The following TCF7L2 variants were observed in gnomAD, a reference collection of about 807,000 sequenced individuals.
The protein encoded by TCF7L2 is transcription factor 7-like 2.
A neutral mutation model predicts 77.9 loss-of-function variants in TCF7L2; 23 were observed. That is an observed-to-expected ratio of 0.30 (90% confidence interval 0.21 to 0.42). The LOEUF is 0.42. Among genes scored for constraint, TCF7L2 ranks in the 10% least tolerant of loss-of-function variants. The pLI is 1.00. For missense variants in TCF7L2, 654 were observed against 793.1 expected (o/e 0.82, Z 2.11); for synonymous variants, 413 against 340.2 (o/e 1.21, Z -2.36).
chr10:113,081,186 G>T (rs1270279991), intron 5 of TCF7L2, among the ~76,000 whole-genome samples: 1 of 152,172 alleles, frequency 6.6e-6, no homozygotes, highest in Non-Finnish European at 1.5e-5. Flanking sequence ...CTTTTTGTAA[G>T]AGATATGTTG....
chr10:113,155,980 C>T (rs1048819142), intron 11 of TCF7L2, among the ~76,000 whole-genome samples: 1 of 152,232 alleles, frequency 6.6e-6, no homozygotes, highest in African/African-American at 2.4e-5. Flanking sequence ...TTGCACAGGC[C>T]CCTTCCCCTC....
intron 5 of TCF7L2, among the ~76,000 whole-genome samples, chr10:113,095,259 T>G (rs1245452924): frequency 6.6e-6 from 1 of 152,212 alleles, no homozygotes; most frequent in African/African-American, 2.4e-5. Flanking sequence ...ATGTGACCCA[T>G]CATTGCTTCG....
chr10:113,077,555 A>T (rs2058826064), intron 5 of TCF7L2, among the ~76,000 whole-genome samples: 1 of 152,034 alleles, frequency 6.6e-6, no homozygotes, highest in Non-Finnish European at 1.5e-5. Context: ...GTTTCTATGG[A>T]TTTGCCTGTT....
intron 5 of TCF7L2, among the ~76,000 whole-genome samples, chr10:113,117,050 G>A (rs779580348): frequency 1.3e-5 from 2 of 152,080 alleles, no homozygotes; most frequent in Non-Finnish European, 2.9e-5. Context: ...CATTCCTGTC[G>A]GGGCATTATT....
intron 5 of TCF7L2, among the ~76,000 whole-genome samples, chr10:113,095,882 C>T (rs368244131): frequency 3.3e-5 from 5 of 152,208 alleles, no homozygotes; most frequent in South Asian, 2.1e-4. Context: ...TGTCTCTCCA[C>T]GTTAGTGGCT....
chr10:113,035,977 G>T (rs140312397), intron 4 of TCF7L2, among the ~76,000 whole-genome samples: 2 of 152,092 alleles, frequency 1.3e-5, no homozygotes, highest in African/African-American at 4.8e-5. Flanking sequence ...CAAATAAAGG[G>T]ACAAATTCCA....
intron 3 of TCF7L2, among the ~76,000 whole-genome samples, chr10:112,958,939 A>G (rs1247242161): frequency 6.6e-6 from 1 of 152,180 alleles, no homozygotes; most frequent in African/African-American, 2.4e-5. Context: ...TAGTGTAGCA[A>G]CTTTTAATGA....
At position 112,950,786 on chromosome 10, in the gene TCF7L2, T is replaced by C; in HGVS notation, c.30T>C (p.Asp10=). 1.3e-6 allele frequency: 2 copies of C among 1,582,788 alleles called. No homozygotes were observed. Among genetic ancestry groups the C allele is most frequent in the South Asian group, 1.1e-5 (1 of 87,580 alleles). The change falls in exon 1 of 14, where the codon GAT becomes GAC. Residue 10 remains aspartate (D), a synonymous_variant. Transcript: ENST00000627217. ...CGCAGCTGAACGGCGGTGGAGGGGATGACCTAGGCGCCAACGACGAACTGA... is the reference window on the plus strand; with the variant it reads ...CGCAGCTGAACGGCGGTGGAGGGGACGACCTAGGCGCCAACGACGAACTGA...
chr10:112,992,406 G>A (rs1041314926), intron 4 of TCF7L2, among the ~76,000 whole-genome samples: 1 of 152,204 alleles, frequency 6.6e-6, no homozygotes, highest in Non-Finnish European at 1.5e-5. Flanking sequence ...AGAGGCCTTT[G>A]TTGGAGCTGG....
intron 5 of TCF7L2, chr10:113,130,102 G>A: frequency 1.2e-6 from 1 of 855,072 alleles, no homozygotes; most frequent in Non-Finnish European, 1.4e-6. Flanking sequence ...TTAGATCATG[G>A]GAAGGAAAAA....
intron 4 of TCF7L2, among the ~76,000 whole-genome samples, chr10:112,970,591 G>A (rs1468165008): frequency 4.6e-5 from 7 of 152,098 alleles, no homozygotes; most frequent in Non-Finnish European, 7.4e-5. Flanking sequence ...TGTCTGAGCA[G>A]ACCCTTCATA....
At chr10:113,097,059 TG>T (rs534280972) in intron 5 of TCF7L2, among the ~76,000 whole-genome samples, 2 of 151,708 alleles carry the variant, frequency 1.3e-5, no homozygotes, top group South Asian at 4.2e-4. Context: ...AAAACAGAGT[TG>T]GGGGAGATGA....
chr10:113,097,244 A>G (rs1295689966), intron 5 of TCF7L2, among the ~76,000 whole-genome samples: 1 of 152,270 alleles, frequency 6.6e-6, no homozygotes, highest in South Asian at 2.1e-4. Flanking sequence ...TTCCTGAGAA[A>G]TGAGCTCCAC....
At chr10:112,994,404 A>G (rs2043116324) in intron 4 of TCF7L2, among the ~76,000 whole-genome samples, 1 of 152,230 alleles carries the variant, frequency 6.6e-6, no homozygotes, top group Non-Finnish European at 1.5e-5. Context: ...ATCTATCAGT[A>G]TGTCATTCCT....
intron 4 of TCF7L2, among the ~76,000 whole-genome samples, chr10:112,997,252 C>T (rs765813642): frequency 1.1e-4 from 17 of 152,336 alleles, no homozygotes; most frequent in Admixed American, 3.3e-4. Flanking sequence ...ACTGAAGGTA[C>T]GCTGGTTTAG....
At chr10:113,105,678 C>T (rs562787251) in intron 5 of TCF7L2, among the ~76,000 whole-genome samples, 3 of 152,320 alleles carry the variant, frequency 2.0e-5, no homozygotes, top group African/African-American at 7.2e-5. Context: ...AACATCAAGT[C>T]TTTGCTCTGC....
intron 5 of TCF7L2, among the ~76,000 whole-genome samples, chr10:113,062,925 A>G (rs147932134): frequency 7.7e-4 from 117 of 152,270 alleles, no homozygotes; most frequent in African/African-American, 2.5e-3. Context: ...AAAGGTAGAG[A>G]GTGTGTCTGT....
chr10:113,066,523 C>G (rs943655944), intron 5 of TCF7L2, among the ~76,000 whole-genome samples: 9 of 152,110 alleles, frequency 5.9e-5, no homozygotes, highest in African/African-American at 2.2e-4. Context: ...GAAATAATGC[C>G]TGTGTGCTTA....
chr10:113,031,920 A>G (rs1330192834), intron 4 of TCF7L2, among the ~76,000 whole-genome samples: 1 of 152,214 alleles, frequency 6.6e-6, no homozygotes, highest in Non-Finnish European at 1.5e-5. Flanking sequence ...GTTTAATGGT[A>G]AATGCTGCAG....
Sources: gnomAD v4.1 joint callset for allele counts (sites outside exome capture counted in the v4.1 genomes callset) on GRCh38, gnomAD v4.1.1 for gene constraint, MANE v1.5 for transcripts, NCBI Gene and HGNC (gene_info 2026-07-23, HGNC 2026-07-21) for gene names.